The following MAMLD1 variants were observed in gnomAD, a reference collection of about 807,000 sequenced individuals.
MAMLD1 encodes mastermind-like domain-containing protein 1.
A neutral mutation model predicts 45.0 loss-of-function variants in MAMLD1; 14 were observed. That is an observed-to-expected ratio of 0.31 (90% CI 0.21 to 0.49). The LOEUF is 0.49. Ranked by LOEUF, MAMLD1 falls within the 20% of genes least tolerant of loss-of-function variation. The pLI is 0.99. For synonymous variants in MAMLD1, 254 were observed against 247.8 expected, an observed-to-expected ratio of 1.02 and a Z score of -0.24; for missense variants, 543 against 603.6, an observed-to-expected ratio of 0.90 and a Z score of 1.05.
At chrX:150,410,147 G>T (rs1353555733) in intron 1 of MAMLD1, among the ~76,000 whole-genome samples, 1 of 111,801 alleles carries the variant, frequency 8.9e-6, no homozygotes, top group Non-Finnish European at 1.9e-5. Context: ...CTGAAGCTCA[G>T]AAGAAGTCAG....
chrX:150,445,312 A>G (rs2035450872), intron 1 of MAMLD1, 142 bp from the exon 2 acceptor site: 3 of 430,721 alleles, frequency 7.0e-6, no homozygotes, highest in East Asian at 4.0e-5. Flanking sequence ...GGGGTGCTCA[A>G]TGAGGGTGGT....
chrX:150,426,772 G>T (rs1266034189), intron 1 of MAMLD1, among the ~76,000 whole-genome samples: 1 of 111,395 alleles, frequency 9.0e-6, no homozygotes, highest in African/African-American at 3.3e-5. Flanking sequence ...GACTAAGCAG[G>T]CCCAGAAGCT....
chrX:150,433,837 T>G, intron 1 of MAMLD1, among the ~76,000 whole-genome samples: 1 of 112,093 alleles, frequency 8.9e-6, no homozygotes, highest in Middle Eastern at 4.6e-3. Context: ...TTTTTGTATC[T>G]ATATTCATCA....
chrX:150,384,623 G>C (rs1480706366), intron 1 of MAMLD1, among the ~76,000 whole-genome samples: 6 of 111,685 alleles, frequency 5.4e-5, no homozygotes, highest in African/African-American at 2.0e-4. Context: ...TTTGATGAAA[G>C]CTAATTTATT....
intron 2 of MAMLD1, among the ~76,000 whole-genome samples, chrX:150,459,035 G>A (rs2035957067): frequency 8.9e-6 from 1 of 112,285 alleles, no homozygotes; most frequent in Non-Finnish European, 1.9e-5. Flanking sequence ...TTTTCTATTT[G>A]CCCCATTTAA....
intron 7 of MAMLD1, 32 bp from the exon 8 acceptor site, chrX:150,511,972 A>T: frequency 9.6e-7 from 1 of 1,046,502 alleles, no homozygotes. Flanking sequence ...TGCCTTTGGA[A>T]CTCATCCCCA....
intron 5 of MAMLD1, among the ~76,000 whole-genome samples, chrX:150,488,434 T>C (rs1187384779): frequency 2.7e-5 from 3 of 112,850 alleles, no homozygotes; most frequent in African/African-American, 9.7e-5. Context: ...TGAATGCATC[T>C]GCAGGCAGCT....
At position 150,462,858 on chromosome X, in the gene MAMLD1, C is replaced by G; in HGVS notation, c.171+12C>G. The G allele has an allele frequency of 1.7e-6, 2 of 1,181,643 alleles. No individual in the cohort carries two copies. Among genetic ancestry groups the G allele is most frequent in the Non-Finnish European group, 2.3e-6 (2 of 868,637 alleles). On this transcript the variant is annotated intron_variant, in intron 3 of 7. Coordinates refer to ENST00000370401, the MANE Select transcript of MAMLD1 (RefSeq NM_005491.5). ...GAAGAAAGCATCAGGTAAGCATAAG[C>G]TTACCAAAGCTGGGACCCATTCACT...
chrX:150,464,783 G>A (rs989588377), intron 3 of MAMLD1, among the ~76,000 whole-genome samples: 7 of 111,791 alleles, frequency 6.3e-5, no homozygotes, highest in African/African-American at 2.0e-4. Context: ...CTTGTCCTCA[G>A]AGGGCTTGAA....
chrX:150,402,305 A>G (rs2124520145), intron 1 of MAMLD1, among the ~76,000 whole-genome samples: 1 of 107,411 alleles, frequency 9.3e-6, no homozygotes, highest in Admixed American at 9.8e-5. Flanking sequence ...TATGCAGCCA[A>G]AAAACACATG....
chrX:150,457,026 T>C (rs2035892246), intron 2 of MAMLD1, among the ~76,000 whole-genome samples: 1 of 112,863 alleles, frequency 8.9e-6, no homozygotes, highest in East Asian at 2.8e-4. Flanking sequence ...AACTCTGCCA[T>C]AGGACATTAG....
chrX:150,372,682 G>A (rs186226013), intron 1 of MAMLD1, among the ~76,000 whole-genome samples: 14 of 112,371 alleles, frequency 1.2e-4, no homozygotes, highest in African/African-American at 3.9e-4. Flanking sequence ...ATTAATTTCC[G>A]GAATACGGAG....
intron 1 of MAMLD1, among the ~76,000 whole-genome samples, chrX:150,381,484 A>G (rs935838384): frequency 1.9e-4 from 21 of 112,578 alleles, no homozygotes; most frequent in African/African-American, 5.8e-4. Flanking sequence ...AAGGATATGC[A>G]ATCCTTTGTG....
intron 1 of MAMLD1, among the ~76,000 whole-genome samples, chrX:150,392,261 G>A (rs1448387910): frequency 8.9e-6 from 1 of 111,932 alleles, no homozygotes; most frequent in Non-Finnish European, 1.9e-5. Flanking sequence ...GGGTATGGAG[G>A]TTCAGCTCCC....
intron 5 of MAMLD1, among the ~76,000 whole-genome samples, chrX:150,476,423 A>G (rs2036583794): frequency 8.9e-6 from 1 of 112,343 alleles, no homozygotes; most frequent in African/African-American, 3.2e-5. Flanking sequence ...CATTTACTCA[A>G]AGACACAAAC....
At chrX:150,373,695 G>A (rs1457455436) in intron 1 of MAMLD1, among the ~76,000 whole-genome samples, 1 of 111,720 alleles carries the variant, frequency 9.0e-6, no homozygotes, top group Non-Finnish European at 1.9e-5. Context: ...CCGGTTTCTA[G>A]ACTTGCCTCC....
chrX:150,382,892 T>TA lies in MAMLD1; in HGVS notation c.-64+19362_-64+19363insA, dbSNP rs2032706702. On this transcript the variant is annotated intron_variant, in intron 1 of 7. Coordinates refer to ENST00000370401, the MANE Select transcript of MAMLD1 (RefSeq NM_005491.5). ...TTTGTCCCATTTTATTTTATTTTTT[T>TA]TTTTTTTTATTTTTTATTTTTTTTT... is the stretch of plus-strand genomic sequence containing the variant. Among the ~76,000 whole-genome samples the TA allele has an allele frequency of 3.0e-4, 10 of 32,978 alleles. 2 individuals carry two copies. The highest frequency in any genetic ancestry group is 2.2e-3 in the African/African-American group (7 of 3,204). 28.6% of individuals were successfully genotyped at this position (32,978 alleles called of 115,157 possible). A position where few individuals can be genotyped will look rare whatever the true frequency, so the allele number is the denominator to read the frequency against.
intron 5 of MAMLD1, among the ~76,000 whole-genome samples, chrX:150,502,129 G>A (rs1279054856): frequency 3.5e-5 from 4 of 113,019 alleles, no homozygotes; most frequent in Non-Finnish European, 7.5e-5. Flanking sequence ...AATTTTTATT[G>A]TTATTTCAAA....
chrX:150,430,812 A>G (rs2034913236), intron 1 of MAMLD1, among the ~76,000 whole-genome samples: 1 of 112,272 alleles, frequency 8.9e-6, no homozygotes, highest in Non-Finnish European at 1.9e-5. Context: ...GTCCAGTTCC[A>G]ATTATCTGTC....
Sources: gnomAD v4.1 joint callset for allele counts (sites outside exome capture counted in the v4.1 genomes callset) on GRCh38, gnomAD v4.1.1 for gene constraint, MANE v1.5 for transcripts, NCBI Gene and HGNC (gene_info 2026-07-23, HGNC 2026-07-21) for gene names.